The following DACH1 variants were observed in gnomAD, a reference collection of about 807,000 sequenced individuals.
DACH1 encodes dachshund homolog 1.
A neutral mutation model predicts 54.2 loss-of-function variants in DACH1; 12 were observed. That is an observed-to-expected ratio of 0.22 (90% CI 0.14 to 0.36). The LOEUF is 0.36. DACH1 is among the 10% of genes least tolerant of loss of function. DACH1 has a pLI of 1.00. For missense variants in DACH1, 805 were observed against 929.8 expected (o/e 0.87, Z 1.75); for synonymous variants, 386 against 366.2 (o/e 1.05, Z -0.62).
intron 1 of DACH1, among the ~76,000 whole-genome samples, chr13:71,723,658 T>TA (rs1883336194): frequency 1.3e-5 from 2 of 152,058 alleles, no homozygotes; most frequent in African/African-American, 4.8e-5. Flanking sequence ...CTTAACAAAT[T>TA]AAATGATAAA....
intron 4 of DACH1, among the ~76,000 whole-genome samples, chr13:71,566,157 G>A (rs1566346204): frequency 6.6e-6 from 1 of 152,120 alleles, no homozygotes; most frequent in Non-Finnish European, 1.5e-5. Context: ...ACAAATGTAT[G>A]TTCTTACAGG....
At position 71,822,586 on chromosome 13, in the gene DACH1, T is replaced by C. The variant is rs187615498; in HGVS notation, c.848+43336A>G. 1.9e-4 allele frequency among the ~76,000 whole-genome samples: 29 copies of C among 152,334 alleles called. No individual in the cohort carries two copies. In the East Asian group the frequency reaches 5.6e-3, roughly 29 times the overall value. On this transcript the variant is annotated intron_variant, in intron 1 of 10. Coordinates refer to ENST00000613252, the MANE Select transcript of DACH1 (RefSeq NM_080759.6). ...TTTCCTCGATTAGCGTTAATTTTCC[T>C]AATACAAAAATTTCTAAAGACAGCT...
chr13:71,704,321 CA>C, intron 1 of DACH1: 1 of 393,452 alleles, frequency 2.5e-6, no homozygotes, highest in Non-Finnish European at 4.9e-6. Flanking sequence ...GCGTACTGTT[CA>C]AAAAGGAATG....
At chr13:71,816,567 TGTATATATATACAC>T (rs1396592205) in intron 1 of DACH1, among the ~76,000 whole-genome samples, 5 of 146,940 alleles carry the variant, frequency 3.4e-5, no homozygotes, top group Admixed American at 6.9e-5. Context: ...CATATATGTG[TGTATATATATACAC>T]GTATATATAT....
chr13:71,701,827 G>C (rs80193898), intron 1 of DACH1, among the ~76,000 whole-genome samples: 11 of 152,094 alleles, frequency 7.2e-5, no homozygotes, highest in Admixed American at 1.3e-4. Context: ...GTTCAATTCC[G>C]TACTGTTTTA....
chr13:71,733,528 T>A (rs1224874688), intron 1 of DACH1, among the ~76,000 whole-genome samples: 1 of 152,156 alleles, frequency 6.6e-6, no homozygotes, highest in Non-Finnish European at 1.5e-5. Context: ...CTTTGATAAC[T>A]TCAGCACTGC....
intron 1 of DACH1, among the ~76,000 whole-genome samples, chr13:71,820,527 T>C (rs1888145990): frequency 6.6e-6 from 1 of 152,230 alleles, no homozygotes; most frequent in Non-Finnish European, 1.5e-5. Flanking sequence ...GTTTTAACTT[T>C]TAAGTTTCAC....
At chr13:71,443,491 G>T (rs1874188346) in intron 10 of DACH1, among the ~76,000 whole-genome samples, 1 of 152,076 alleles carries the variant, frequency 6.6e-6, no homozygotes. Flanking sequence ...TTTCAGTTCA[G>T]CAGTCATACA....
At chr13:71,612,743 T>G (rs904975217) in intron 3 of DACH1, among the ~76,000 whole-genome samples, 1 of 152,200 alleles carries the variant, frequency 6.6e-6, no homozygotes, top group Non-Finnish European at 1.5e-5. Flanking sequence ...ACACCCTACA[T>G]AGTAAAACTC....
intron 1 of DACH1, among the ~76,000 whole-genome samples, chr13:71,839,740 A>C (rs971762257): frequency 7.9e-5 from 12 of 152,300 alleles, no homozygotes; most frequent in Non-Finnish European, 1.3e-4. Flanking sequence ...CAAGCATCTA[A>C]CTCAAAGTCT....
At chr13:71,449,274 C>A (rs939344936) in intron 10 of DACH1, among the ~76,000 whole-genome samples, 8 of 151,508 alleles carry the variant, frequency 5.3e-5, no homozygotes, top group African/African-American at 1.9e-4. Flanking sequence ...TGCAGTGAGC[C>A]GAGATCGAAC....
chr13:71,758,894 T>G (rs1885280811), intron 1 of DACH1, among the ~76,000 whole-genome samples: 1 of 151,562 alleles, frequency 6.6e-6, no homozygotes, highest in African/African-American at 2.4e-5. Context: ...ACCAGTAAAC[T>G]CCCCCTCCCT....
chr13:71,722,381 T>C (rs533910215), intron 1 of DACH1, among the ~76,000 whole-genome samples: 20 of 152,192 alleles, frequency 1.3e-4, no homozygotes, highest in Non-Finnish European at 2.8e-4. Context: ...AGGTGGAATA[T>C]AACAAGTCCT....
At chr13:71,718,805 G>A (rs1566455773) in intron 1 of DACH1, among the ~76,000 whole-genome samples, 1 of 152,018 alleles carries the variant, frequency 6.6e-6, no homozygotes, top group Admixed American at 6.6e-5. Context: ...CAAACATATT[G>A]TTTCTTTTCC....
chr13:71,748,874 CTTTCTTTCTTTCT>C (rs1473085150), intron 1 of DACH1, among the ~76,000 whole-genome samples: 1 of 20,198 alleles, frequency 5.0e-5, no homozygotes, highest in African/African-American at 1.0e-4. Flanking sequence ...TTCTTTCTTT[CTTTCTTTCTTTCT>C]TTCTTTCTTT....
chr13:71,590,703 G>GA (rs1257442651), intron 3 of DACH1, among the ~76,000 whole-genome samples: 2 of 151,942 alleles, frequency 1.3e-5, no homozygotes, highest in Admixed American at 6.6e-5. Context: ...AAGAATGGGG[G>GA]AAAAATAGGA....
intron 1 of DACH1, among the ~76,000 whole-genome samples, chr13:71,785,573 A>G (rs891547465): frequency 6.6e-6 from 1 of 152,186 alleles, no homozygotes; most frequent in African/African-American, 2.4e-5. Context: ...GTACTCTTGT[A>G]TCAAGGAGAT....
chr13:71,664,723 T>C (rs1347587387), intron 2 of DACH1, among the ~76,000 whole-genome samples: 3 of 152,038 alleles, frequency 2.0e-5, no homozygotes, highest in Admixed American at 1.3e-4. Flanking sequence ...AAAGGAAATA[T>C]ACTTTATACA....
At chr13:71,768,540 AATAAG>A (rs1177751938) in intron 1 of DACH1, among the ~76,000 whole-genome samples, 7 of 152,100 alleles carry the variant, frequency 4.6e-5, no homozygotes, top group South Asian at 2.1e-4. Flanking sequence ...CTCTCAAATA[AATAAG>A]ATGTTTTTAA....
Sources: allele counts gnomAD v4.1 joint callset (sites outside exome capture counted in the v4.1 genomes callset), GRCh38; gene constraint gnomAD v4.1.1; transcripts MANE v1.5; gene names NCBI Gene and HGNC (gene_info 2026-07-23, HGNC 2026-07-21).